Variants in SUGCT observed in about 807,000 individuals in gnomAD.
The protein encoded by SUGCT is succinyl-CoA:glutarate CoA-transferase.
SUGCT carries 41 observed loss-of-function variants against 55.0 expected under a neutral mutation model. The ratio of observed to expected loss-of-function variants is 0.74; its 90% CI spans 0.58 to 0.97. The LOEUF (loss-of-function observed/expected upper bound fraction) is 0.97. Among genes scored for constraint, SUGCT ranks in the 50% least tolerant of loss-of-function variants. The probability of loss-of-function intolerance (pLI) is 0.00; values close to 1 mark genes in which losing one functional copy is unlikely to be tolerated. For missense variants in SUGCT, 568 were observed against 547.8 expected (o/e 1.04, Z -0.37); for synonymous variants, 187 against 200.4 (o/e 0.93, Z 0.56).
chr7:40,254,947 G>A lies in SUGCT; in HGVS notation c.576+17221G>A, dbSNP rs112993059. On this transcript the variant is annotated intron_variant, in intron 7 of 13. Transcript: ENST00000335693. ...ATGAAAGGATATGTTGGCTGGGCGC[G>A]GTGGCTCACACCTGTAATCCCAGCA... 2.3e-3 allele frequency among the ~76,000 whole-genome samples: 354 copies of A among 151,488 alleles called. 1 individual carries two copies. The highest frequency in any genetic ancestry group is 7.2e-3 in the African/African-American group (296 of 41,380).
At chr7:40,443,631 G>C (rs1185823002) in intron 9 of SUGCT, among the ~76,000 whole-genome samples, 9 of 152,064 alleles carry the variant, frequency 5.9e-5, no homozygotes, top group South Asian at 2.1e-4. Context: ...AGCCATTTGT[G>C]TGATGGGTAG....
At chr7:40,779,478 C>A (rs531256301) in intron 13 of SUGCT, among the ~76,000 whole-genome samples, 1 of 152,026 alleles carries the variant, frequency 6.6e-6, no homozygotes, top group Non-Finnish European at 1.5e-5. Context: ...GATTTTGATG[C>A]GGGGTCAGCA....
intron 12 of SUGCT, among the ~76,000 whole-genome samples, chr7:40,696,739 A>G (rs937323400): frequency 2.6e-5 from 4 of 152,186 alleles, no homozygotes; most frequent in African/African-American, 9.7e-5. Flanking sequence ...TACTTCATAA[A>G]TACATGAATA....
intron 13 of SUGCT, among the ~76,000 whole-genome samples, chr7:40,841,307 G>A (rs958992240): frequency 3.9e-5 from 6 of 151,946 alleles, no homozygotes; most frequent in Admixed American, 2.6e-4. Flanking sequence ...ACATCTTCCT[G>A]TTTTACAGAC....
intron 12 of SUGCT, among the ~76,000 whole-genome samples, chr7:40,685,019 T>C (rs1412263225): frequency 6.6e-6 from 1 of 152,068 alleles, no homozygotes; most frequent in Admixed American, 6.6e-5. Flanking sequence ...GTTTATTTTT[T>C]TATTTTTATT....
At chr7:40,695,050 G>T (rs1365859455) in intron 12 of SUGCT, among the ~76,000 whole-genome samples, 3 of 151,690 alleles carry the variant, frequency 2.0e-5, no homozygotes, top group Non-Finnish European at 4.4e-5. Context: ...ATTGTTGAGG[G>T]GTATTACAAT....
At chr7:40,455,981 G>A (rs1482390729) in intron 10 of SUGCT, among the ~76,000 whole-genome samples, 1 of 152,016 alleles carries the variant, frequency 6.6e-6, no homozygotes, top group East Asian at 1.9e-4. Flanking sequence ...CTCTTTCAGA[G>A]GCCATATAGC....
At chr7:40,590,794 A>C (rs1170537604) in intron 12 of SUGCT, among the ~76,000 whole-genome samples, 1 of 152,188 alleles carries the variant, frequency 6.6e-6, no homozygotes, top group Non-Finnish European at 1.5e-5. Flanking sequence ...AATTATGTCA[A>C]ATCTACCTTG....
intron 13 of SUGCT, among the ~76,000 whole-genome samples, chr7:40,807,158 G>C (rs996442299): frequency 4.6e-5 from 7 of 152,150 alleles, no homozygotes; most frequent in Admixed American, 2.0e-4. Context: ...AGAAGTTAGA[G>C]AGAATCATTA....
chr7:40,799,497 G>T (rs1210929691), intron 13 of SUGCT, among the ~76,000 whole-genome samples: 1 of 152,156 alleles, frequency 6.6e-6, no homozygotes, highest in Non-Finnish European at 1.5e-5. Flanking sequence ...ATAGACAAGG[G>T]TTGGTTGATG....
intron 13 of SUGCT, among the ~76,000 whole-genome samples, chr7:40,769,503 A>T (rs772434348): frequency 7.2e-5 from 11 of 152,224 alleles, no homozygotes; most frequent in Non-Finnish European, 2.9e-5. Flanking sequence ...AGTAGTCAGA[A>T]TCAGAGGAGA....
At chr7:40,382,990 A>G (rs1784945201) in intron 9 of SUGCT, among the ~76,000 whole-genome samples, 1 of 152,196 alleles carries the variant, frequency 6.6e-6, no homozygotes, top group African/African-American at 2.4e-5. Flanking sequence ...TTGGATAGAT[A>G]TTAATTAAAT....
At chr7:40,380,144 G>C (rs1784799696) in intron 9 of SUGCT, among the ~76,000 whole-genome samples, 1 of 152,148 alleles carries the variant, frequency 6.6e-6, no homozygotes, top group Non-Finnish European at 1.5e-5. Context: ...GGATTCCAAG[G>C]AGTTCCAACC....
intron 1 of SUGCT, chr7:40,141,757 A>G: frequency 3.7e-6 from 1 of 270,974 alleles, no homozygotes. Flanking sequence ...AGCCCATGTT[A>G]TAAATAAAGG....
At chr7:40,354,462 C>G (rs770435812) in intron 9 of SUGCT, among the ~76,000 whole-genome samples, 147 of 152,150 alleles carry the variant, frequency 9.7e-4, no homozygotes, top group African/African-American at 3.2e-3. Context: ...ATGGAAGGAC[C>G]TACCTGGCTG....
chr7:40,821,699 T>A (rs909800370), intron 13 of SUGCT, among the ~76,000 whole-genome samples: 1 of 152,212 alleles, frequency 6.6e-6, no homozygotes, highest in Non-Finnish European at 1.5e-5. Flanking sequence ...ATTTTGTTGA[T>A]CTTTTCAAAA....
chr7:40,669,567 A>C (rs1202969867), intron 12 of SUGCT, among the ~76,000 whole-genome samples: 1 of 151,716 alleles, frequency 6.6e-6, no homozygotes, highest in African/African-American at 2.4e-5. Context: ...GTCTCAGCAA[A>C]GAAATAGAAG....
chr7:40,653,551 C>T (rs78503693), intron 12 of SUGCT, among the ~76,000 whole-genome samples: 7 of 152,170 alleles, frequency 4.6e-5, no homozygotes, highest in South Asian at 2.1e-4. Flanking sequence ...ATGGACATTC[C>T]GACGTGTATT....
intron 13 of SUGCT, among the ~76,000 whole-genome samples, chr7:40,794,050 T>TA (rs1053385975): frequency 1.3e-5 from 2 of 152,164 alleles, no homozygotes; most frequent in Non-Finnish European, 2.9e-5. Flanking sequence ...TTCTTCCTTT[T>TA]TAAAACGTTT....
Sources: gnomAD v4.1 joint callset for allele counts (sites outside exome capture counted in the v4.1 genomes callset) on GRCh38, gnomAD v4.1.1 for gene constraint, MANE v1.5 for transcripts, NCBI Gene and HGNC (gene_info 2026-07-23, HGNC 2026-07-21) for gene names.